The following PHACTR1 variants were observed in gnomAD, a reference collection of about 807,000 sequenced individuals.
PHACTR1 encodes RPEL repeat containing 1.
A neutral mutation model predicts 69.2 loss-of-function variants in PHACTR1; 16 were observed. The ratio of observed to expected loss-of-function variants is 0.23; its 90% CI spans 0.16 to 0.35. The LOEUF (loss-of-function observed/expected upper bound fraction) is 0.35. PHACTR1 is among the 10% of genes least tolerant of loss of function. PHACTR1 has a pLI of 1.00. For missense variants in PHACTR1, 510 were observed against 734.7 expected (o/e 0.69, Z 3.54); for synonymous variants, 312 against 284.5 (o/e 1.10, Z -0.97).
Position 13,286,236 on chromosome 6 carries a change from G to GTT in PHACTR1, c.1727+23_1727+24dup, listed in dbSNP as rs750206884. 132 of 1,437,546 alleles carry GTT rather than the reference G, an allele frequency of 9.2e-5. No individual in the cohort carries two copies. The highest frequency in any genetic ancestry group is 1.1e-4 in the Non-Finnish European group (120 of 1,071,840). The allele number at this position is 1,437,546 out of a possible 1,614,324, so 89.0% of individuals were successfully genotyped here. A position where few individuals can be genotyped will look rare whatever the true frequency, so the allele number is the denominator to read the frequency against. On this transcript the variant is annotated intron_variant, in intron 14 of 14. Transcript: ENST00000332995. ...ACACTTAACAAGGTTAGTATTAAGG[G>GTT]TTTTTTTTTTCCTTTTTTTCCCTCA...
intron 5 of PHACTR1, among the ~76,000 whole-genome samples, chr6:13,122,782 T>C (rs963583868): frequency 6.6e-6 from 1 of 152,242 alleles, no homozygotes; most frequent in African/African-American, 2.4e-5. Context: ...GAAGGACCAC[T>C]TATCCAGTCT....
At chr6:12,837,901 T>C (rs2127738164) in intron 4 of PHACTR1, among the ~76,000 whole-genome samples, 1 of 152,360 alleles carries the variant, frequency 6.6e-6, no homozygotes, top group South Asian at 2.1e-4. Flanking sequence ...AGCTGGATCC[T>C]CTGCTTCAGT....
chr6:13,173,291 A>G (rs919514451), intron 6 of PHACTR1, among the ~76,000 whole-genome samples: 1 of 152,246 alleles, frequency 6.6e-6, no homozygotes, highest in Non-Finnish European at 1.5e-5. Context: ...TCTTCCAAGT[A>G]AGACTATCAA....
intron 4 of PHACTR1, among the ~76,000 whole-genome samples, chr6:12,946,571 C>G (rs1369218039): frequency 6.6e-6 from 1 of 151,930 alleles, no homozygotes; most frequent in Non-Finnish European, 1.5e-5. Context: ...GTGAGATCAT[C>G]CAGGGAAAAG....
intron 4 of PHACTR1, among the ~76,000 whole-genome samples, chr6:12,939,605 C>T (rs1789849305): frequency 6.6e-6 from 1 of 152,142 alleles, no homozygotes; most frequent in African/African-American, 2.4e-5. Flanking sequence ...GCTGTATATT[C>T]ATGACATTCA....
chr6:12,732,983 A>G (rs1228017000), intron 3 of PHACTR1, among the ~76,000 whole-genome samples: 1 of 152,202 alleles, frequency 6.6e-6, no homozygotes, highest in African/African-American at 2.4e-5. Flanking sequence ...TCATCAGCCC[A>G]TCTGTAGACA....
At chr6:13,044,061 T>C (rs942350346) in intron 4 of PHACTR1, among the ~76,000 whole-genome samples, 4 of 152,126 alleles carry the variant, frequency 2.6e-5, no homozygotes, top group African/African-American at 9.7e-5. Context: ...ATTAGCTCAA[T>C]AAGTCTAACA....
intron 4 of PHACTR1, among the ~76,000 whole-genome samples, chr6:12,812,897 G>C (rs1472627710): frequency 6.6e-6 from 1 of 152,174 alleles, no homozygotes; most frequent in Non-Finnish European, 1.5e-5. Context: ...GCAATCCTCA[G>C]AGAAGAAGAC....
chr6:13,023,448 C>T (rs1276482293), intron 4 of PHACTR1, among the ~76,000 whole-genome samples: 1 of 152,160 alleles, frequency 6.6e-6, no homozygotes, highest in Non-Finnish European at 1.5e-5. Flanking sequence ...TTTGCCTCCA[C>T]GGTAATTATT....
intron 5 of PHACTR1, among the ~76,000 whole-genome samples, chr6:13,075,688 CA>C (rs1810348070): frequency 6.6e-6 from 1 of 152,130 alleles, no homozygotes; most frequent in South Asian, 2.1e-4. Flanking sequence ...GGGAAATACA[CA>C]GAGGATTTAT....
intron 10 of PHACTR1, among the ~76,000 whole-genome samples, chr6:13,261,242 C>A (rs1312391080): frequency 6.6e-6 from 1 of 152,016 alleles, no homozygotes; most frequent in East Asian, 1.9e-4. Context: ...AAGAGGCTGG[C>A]GTAGGAGGAC....
chr6:12,892,291 T>C (rs1332846), intron 4 of PHACTR1, among the ~76,000 whole-genome samples: 30 of 152,222 alleles, frequency 2.0e-4, no homozygotes, highest in African/African-American at 7.0e-4. Flanking sequence ...CCTGGGACAG[T>C]GTCCAGCTCA....
chr6:12,851,184 A>G (rs192739196), intron 4 of PHACTR1, among the ~76,000 whole-genome samples: 1 of 152,360 alleles, frequency 6.6e-6, no homozygotes, highest in Admixed American at 6.5e-5. Context: ...GTCCTTGGCC[A>G]GACTGATCAA....
At chr6:12,718,991 G>A (rs1761758928) in intron 3 of PHACTR1, 144 bp downstream of exon 3, 1 of 468,432 alleles carries the variant, frequency 2.1e-6, no homozygotes, top group Non-Finnish European at 3.8e-6. Context: ...AACTGCTGCT[G>A]GAATTGAGGC....
At position 13,078,161 on chromosome 6, in the gene PHACTR1, G is replaced by C. The variant is rs1041984276; in HGVS notation, c.415+24632G>C. 9.9e-5 allele frequency among the ~76,000 whole-genome samples: 15 copies of C among 151,904 alleles called. 1 individual carries two copies. In the South Asian group the frequency reaches 1.7e-3, roughly 17 times the overall value. ...CAGTTCCCTAGAGCTGTTTTTTTTG[G>C]GGGGAGTGGGTGGGGGCTGTGAGGA... On this transcript the variant is annotated intron_variant, in intron 5 of 14. Transcript: ENST00000332995.
At chr6:13,115,743 T>A (rs1482312665) in intron 5 of PHACTR1, among the ~76,000 whole-genome samples, 1 of 152,184 alleles carries the variant, frequency 6.6e-6, no homozygotes, top group Admixed American at 6.5e-5. Context: ...GAAAAATGCA[T>A]GTGAGCACTG....
chr6:12,815,362 T>C (rs576451321), intron 4 of PHACTR1, among the ~76,000 whole-genome samples: 11 of 152,232 alleles, frequency 7.2e-5, no homozygotes, highest in African/African-American at 2.6e-4. Context: ...GAGAACCTCA[T>C]ACTCTGGAAT....
chr6:12,949,006 C>T (rs1444002839), intron 4 of PHACTR1, among the ~76,000 whole-genome samples: 1 of 152,152 alleles, frequency 6.6e-6, no homozygotes, highest in Non-Finnish European at 1.5e-5. Flanking sequence ...CGCAATGGCT[C>T]ACGCCTGTAA....
intron 4 of PHACTR1, among the ~76,000 whole-genome samples, chr6:12,985,488 A>G (rs1159604908): frequency 6.7e-6 from 1 of 149,702 alleles, no homozygotes; most frequent in Non-Finnish European, 1.5e-5. Context: ...GTTTATATTG[A>G]CCATACTACA....
Sources: allele counts gnomAD v4.1 joint callset (sites outside exome capture counted in the v4.1 genomes callset), GRCh38; gene constraint gnomAD v4.1.1; transcripts MANE v1.5; gene names NCBI Gene and HGNC (gene_info 2026-07-23, HGNC 2026-07-21).